The following FSBP variants were observed in gnomAD, a reference collection of about 807,000 sequenced individuals.
FSBP encodes the protein fibrinogen silencer-binding protein.
In FSBP, 18 loss-of-function variants were observed where a neutral mutation model predicts 24.6. The observed-to-expected ratio is 0.73, with a 90% CI of 0.51 to 1.08. The LOEUF is 1.08. Ranked by LOEUF, FSBP falls within the 50% of genes least tolerant of loss-of-function variation. FSBP has a pLI of 0.00. For synonymous variants in FSBP, 110 were observed against 125.8 expected (o/e 0.87, Z 0.84); for missense variants, 305 against 347.6 (o/e 0.88, Z 0.98).
In FSBP at chr8:94,432,118, T is replaced by C. The variant is rs779654615; in HGVS notation, c.*13A>G. 6.2e-5 allele frequency: 93 copies of C among 1,511,636 alleles called. No individual in the cohort carries two copies. Among genetic ancestry groups the C allele is most frequent in the Non-Finnish European group, 7.6e-5 (86 of 1,132,000 alleles). The allele number at this position is 1,511,636 out of a possible 1,614,324, so 93.6% of individuals were successfully genotyped here. A position where few individuals can be genotyped will look rare whatever the true frequency, so the allele number is the denominator to read the frequency against. ...AAATCAAAATTATCAAATTGCAAGA[T>C]TGAAAAAAAAACTTAGAGACTGTTA... On this transcript the variant is annotated 3_prime_UTR_variant, in exon 2 of 2. Transcript: ENST00000481490.
rs1401384435 is a variant in FSBP at position 94,429,794 on chromosome 8, C to G, written c.*2337G>C. The G allele has an allele frequency of 3.0e-6, 3 of 985,210 alleles. No individual in the cohort carries two copies. Among genetic ancestry groups the G allele is most frequent in the Non-Finnish European group, 3.6e-6 (3 of 829,882 alleles). 61.0% of individuals were successfully genotyped at this position (985,210 alleles called of 1,614,324 possible). A position where few individuals can be genotyped will look rare whatever the true frequency, so the allele number is the denominator to read the frequency against. On this transcript the variant is annotated 3_prime_UTR_variant, in exon 2 of 2. Coordinates refer to ENST00000481490, the MANE Select transcript of FSBP (RefSeq NM_001256141.2). Reference sequence around the variant, plus strand: ...AACTCTACCAGCTATAAAACACCCTCTTTTTAATCCAACCAATGAAATTAA... The same window carrying G: ...AACTCTACCAGCTATAAAACACCCTGTTTTTAATCCAACCAATGAAATTAA...
rs1271063569 is a variant in FSBP at position 94,431,896 on chromosome 8, A to T, written c.*235T>A. The T allele has an allele frequency of 8.4e-7, 1 of 1,193,918 alleles. No individual in the cohort carries two copies. The highest frequency in any genetic ancestry group is 1.6e-5 in the African/African-American group (1 of 62,698). The allele number at this position is 1,193,918 out of a possible 1,614,324, so 74.0% of individuals were successfully genotyped here. On this transcript the variant is annotated 3_prime_UTR_variant, in exon 2 of 2. Transcript: ENST00000481490. Reference sequence around the variant, plus strand: ...AGAATAAAATATCTTTTGTAAGGTCAACAATTAAACTTAGGGAAAAAAAAA... The same window carrying T: ...AGAATAAAATATCTTTTGTAAGGTCTACAATTAAACTTAGGGAAAAAAAAA...
Position 94,429,880 on chromosome 8 carries a change from T to C in FSBP, c.*2251A>G. ...TTTTTTCTATTTCTATAGCCATAAC[T>C]TAAATTTCTGATTTAAGTTCTTCCA... is the stretch of plus-strand genomic sequence containing the variant. On this transcript the variant is annotated 3_prime_UTR_variant, in exon 2 of 2. Coordinates refer to ENST00000481490, the MANE Select transcript of FSBP (RefSeq NM_001256141.2). 1.0e-6 allele frequency: 1 copy of C among 985,444 alleles called. No individual in the cohort carries two copies. Among genetic ancestry groups the C allele is most frequent in the Non-Finnish European group, 1.2e-6 (1 of 829,926 alleles). The allele number at this position is 985,444 out of a possible 1,614,324, so 61.0% of individuals were successfully genotyped here.
Position 94,428,849 on chromosome 8 carries a change from T to C in FSBP, c.*3282A>G, listed in dbSNP as rs1400125038. On this transcript the variant is annotated 3_prime_UTR_variant, in exon 2 of 2. Coordinates refer to ENST00000481490, the MANE Select transcript of FSBP (RefSeq NM_001256141.2). ...GTCCCCTAACTCAAAAAAGTCTCAA[T>C]ACAAAAAAGAAGAAAAAAAAAGGTT... 21 of 983,724 alleles carry C rather than the reference T, an allele frequency of 2.1e-5. No homozygotes were observed. The highest frequency in any genetic ancestry group is 3.5e-5 in the African/African-American group (2 of 56,672). The allele number at this position is 983,724 out of a possible 1,614,324, so 60.9% of individuals were successfully genotyped here.
intron 1 of FSBP, among the ~76,000 whole-genome samples, chr8:94,434,620 G>T (rs1812206174): frequency 6.6e-6 from 1 of 151,648 alleles, no homozygotes. Flanking sequence ...GTATAGTTAA[G>T]ATTATAGAAT....
chr8:94,430,163 A>G lies in FSBP; in HGVS notation c.*1968T>C, dbSNP rs1812052331. 1.6e-6 allele frequency: 1 copy of G among 630,632 alleles called. No homozygotes were observed. Among genetic ancestry groups the G allele is most frequent in the Non-Finnish European group, 2.0e-6 (1 of 506,564 alleles). 39.1% of individuals were successfully genotyped at this position (630,632 alleles called of 1,614,324 possible). A position where few individuals can be genotyped will look rare whatever the true frequency, so the allele number is the denominator to read the frequency against. On this transcript the variant is annotated 3_prime_UTR_variant, in exon 2 of 2. Transcript: ENST00000481490. ...CCCGTCTCTACTAAAAACACAAAAA[A>G]TTAGCCAGGCATGGTGGTGCGCCTG...
At chr8:94,434,393 T>C (rs1040670320) in intron 1 of FSBP, among the ~76,000 whole-genome samples, 1 of 151,770 alleles carries the variant, frequency 6.6e-6, no homozygotes. Context: ...AGAGAAGGAC[T>C]TGAGAATCAG....
In FSBP at chr8:94,431,404, C is replaced by T. The variant is rs1304951910; in HGVS notation, c.*727G>A. Reference sequence around the variant, plus strand: ...TGATGTAATTATCCTGATTTCACAACCTAACAATCTTTAAAGGCAATTTTA... The same window carrying T: ...TGATGTAATTATCCTGATTTCACAATCTAACAATCTTTAAAGGCAATTTTA... On this transcript the variant is annotated 3_prime_UTR_variant, in exon 2 of 2. Transcript: ENST00000481490. 2.0e-6 allele frequency: 2 copies of T among 984,598 alleles called. No individual in the cohort carries two copies. Among genetic ancestry groups the T allele is most frequent in the Admixed American group, 6.2e-5 (1 of 16,258 alleles). 61.0% of individuals were successfully genotyped at this position (984,598 alleles called of 1,614,324 possible).
In FSBP at chr8:94,428,188, T is replaced by G. The variant is rs961067005; in HGVS notation, c.*3943A>C. 1.2e-5 allele frequency: 10 copies of G among 841,552 alleles called. No individual in the cohort carries two copies. Among genetic ancestry groups the G allele is most frequent in the Non-Finnish European group, 1.1e-5 (8 of 699,094 alleles). The allele number at this position is 841,552 out of a possible 1,614,324, so 52.1% of individuals were successfully genotyped here. A position where few individuals can be genotyped will look rare whatever the true frequency, so the allele number is the denominator to read the frequency against. On this transcript the variant is annotated 3_prime_UTR_variant, in exon 2 of 2. Transcript: ENST00000481490. ...AATATATTGGATGAAATAATCTATA[T>G]ACTTAGTATATTTATCAAATGTAGT...
Position 94,428,948 on chromosome 8 carries a change from T to C in FSBP, c.*3183A>G, listed in dbSNP as rs1812012379. 4.1e-6 allele frequency: 4 copies of C among 982,768 alleles called. No individual in the cohort carries two copies. Among genetic ancestry groups the C allele is most frequent in the Non-Finnish European group, 3.6e-6 (3 of 827,638 alleles). 60.9% of individuals were successfully genotyped at this position (982,768 alleles called of 1,614,324 possible). A position where few individuals can be genotyped will look rare whatever the true frequency, so the allele number is the denominator to read the frequency against. On this transcript the variant is annotated 3_prime_UTR_variant, in exon 2 of 2. Coordinates refer to ENST00000481490, the MANE Select transcript of FSBP (RefSeq NM_001256141.2). ...GAAAAGGATTCTATGGTCAAATAAA[T>C]AATTTTCTTTATACAGGAATTCTCA...
At position 94,436,685 on chromosome 8, in the gene FSBP, G is replaced by A; in HGVS notation, c.184C>T (p.Pro62Ser). Residue 62 changes from proline (P) to serine (S), a missense_variant, in exon 1 of 2, where the codon CCT (proline) becomes TCT (serine). Coordinates refer to ENST00000481490, the MANE Select transcript of FSBP (RefSeq NM_001256141.2). ...NYNAIGVDRPPRTAQGLRTLY... is the reference protein window; with the variant it reads ...NYNAIGVDRPSRTAQGLRTLY... ...GTGCGTAGGCCCTGTGCTGTTCGAGGAGGGCGGTCTACTCCAATTGCATTA... is the reference window on the plus strand; with the variant it reads ...GTGCGTAGGCCCTGTGCTGTTCGAGAAGGGCGGTCTACTCCAATTGCATTA... 7.7e-6 allele frequency: 12 copies of A among 1,550,604 alleles called. No homozygotes were observed. Among genetic ancestry groups the A allele is most frequent in the Non-Finnish European group, 1.0e-5 (12 of 1,146,964 alleles).
chr8:94,436,568 T>C lies in FSBP; in HGVS notation c.301A>G (p.Thr101Ala). Residue 101 changes from threonine to alanine, a missense_variant, in exon 1 of 2, where the codon ACC becomes GCC. By Grantham distance (58) the Thr-to-Ala change is moderately conservative. Coordinates refer to ENST00000481490, the MANE Select transcript of FSBP (RefSeq NM_001256141.2). The part of the protein sequence containing the change: ...SDFKSNISEP[T>A]KKVMEMIPQI... ...GGAATCATCTCCATAACTTTCTTGG[T>C]TGGCTCAGAAATATTGCTTTTAAAA... The C allele has an allele frequency of 6.4e-7, 1 of 1,550,514 alleles. No homozygotes were observed. The highest frequency in any genetic ancestry group is 1.7e-4 in the Middle Eastern group (1 of 5,992).
In FSBP at chr8:94,431,463, GA is replaced by G; in HGVS notation, c.*667del. On this transcript the variant is annotated 3_prime_UTR_variant, in exon 2 of 2. Transcript: ENST00000481490. ...AATGCTTCTAATATTTAAATCTAGA[GA>G]ATGTTTTAGTGGATATTTACTTCTA... is the stretch of plus-strand genomic sequence containing the variant. The G allele has an allele frequency of 7.1e-6, 7 of 981,876 alleles. No individual in the cohort carries two copies. Among genetic ancestry groups the G allele is most frequent in the Non-Finnish European group, 8.5e-6 (7 of 826,756 alleles). 60.8% of individuals were successfully genotyped at this position (981,876 alleles called of 1,614,324 possible). A position where few individuals can be genotyped will look rare whatever the true frequency, so the allele number is the denominator to read the frequency against.
chr8:94,431,037 CA>C lies in FSBP; in HGVS notation c.*1093del. 1.0e-6 allele frequency: 1 copy of C among 985,388 alleles called. No homozygotes were observed. The highest frequency in any genetic ancestry group is 1.2e-6 in the Non-Finnish European group (1 of 829,924). The allele number at this position is 985,388 out of a possible 1,614,324, so 61.0% of individuals were successfully genotyped here. On this transcript the variant is annotated 3_prime_UTR_variant, in exon 2 of 2. Coordinates refer to ENST00000481490, the MANE Select transcript of FSBP (RefSeq NM_001256141.2). ...TTCACTGCTGAAATTACACCCACCC[CA>C]TTCTACAACTTGGCTTAAAAATCCC...
rs942282937 is a variant in FSBP, at chr8:94,430,079, C to A, written c.*2052G>T. On this transcript the variant is annotated 3_prime_UTR_variant, in exon 2 of 2. Transcript: ENST00000481490. ...CTGTAATCCCAGCACTTTGGGAGGC[C>A]GAGGCGGGCAGATCACGAGGTCAGG... is the stretch of plus-strand genomic sequence containing the variant. 4.3e-6 allele frequency: 4 copies of A among 924,940 alleles called. No individual in the cohort carries two copies. In the African/African-American group the frequency reaches 7.2e-5, roughly 17 times the overall value. 57.3% of individuals were successfully genotyped at this position (924,940 alleles called of 1,614,324 possible).
chr8:94,429,246 GAAAAAT>G lies in FSBP; in HGVS notation c.*2879_*2884del. 1.8e-5 allele frequency: 10 copies of G among 548,098 alleles called. No homozygotes were observed. Among genetic ancestry groups the G allele is most frequent in the Non-Finnish European group, 2.3e-5 (10 of 430,722 alleles). 34.0% of individuals were successfully genotyped at this position (548,098 alleles called of 1,614,324 possible). A position where few individuals can be genotyped will look rare whatever the true frequency, so the allele number is the denominator to read the frequency against. ...AAAAGCAATCTTAAACAATGCTGCA[GAAAAAT>G]ATGATTGTAGCAGACTATGTTTATG... On this transcript the variant is annotated 3_prime_UTR_variant, in exon 2 of 2. Transcript: ENST00000481490.
chr8:94,434,043 G>A (rs77045500), intron 1 of FSBP, among the ~76,000 whole-genome samples: 2 of 151,648 alleles, frequency 1.3e-5, no homozygotes, highest in South Asian at 2.1e-4. Context: ...TTTTGTTCTT[G>A]TCTCTGTTTG....
In FSBP at chr8:94,428,544, G is replaced by T; in HGVS notation, c.*3587C>A. ...ATATAATGTAAATACTATGTAAATAGTTGTTAGGATACAGGACAAGTGAGC... is the reference window on the plus strand; with the variant it reads ...ATATAATGTAAATACTATGTAAATATTTGTTAGGATACAGGACAAGTGAGC... On this transcript the variant is annotated 3_prime_UTR_variant, in exon 2 of 2. Transcript: ENST00000481490. The T allele has an allele frequency of 4.0e-6, 1 of 251,534 alleles. No individual in the cohort carries two copies. The highest frequency in any genetic ancestry group is 6.3e-6 in the Non-Finnish European group (1 of 159,062). The allele number at this position is 251,534 out of a possible 1,614,324, so 15.6% of individuals were successfully genotyped here.
Position 94,431,858 on chromosome 8 carries a change from T to C in FSBP, c.*273A>G. The C allele has an allele frequency of 9.0e-7, 1 of 1,109,622 alleles. No homozygotes were observed. The highest frequency in any genetic ancestry group is 3.4e-5 in the South Asian group (1 of 29,760). 68.7% of individuals were successfully genotyped at this position (1,109,622 alleles called of 1,614,324 possible). On this transcript the variant is annotated 3_prime_UTR_variant, in exon 2 of 2. Coordinates refer to ENST00000481490, the MANE Select transcript of FSBP (RefSeq NM_001256141.2). ...ATGTGTTTGTATATGCATTTGTGTATATCTTAGTGATCAGAATAAAATATC... is the reference window on the plus strand; with the variant it reads ...ATGTGTTTGTATATGCATTTGTGTACATCTTAGTGATCAGAATAAAATATC...
Sources: allele counts gnomAD v4.1 joint callset (sites outside exome capture counted in the v4.1 genomes callset), GRCh38; gene constraint gnomAD v4.1.1; transcripts MANE v1.5; gene names NCBI Gene and HGNC (gene_info 2026-07-23, HGNC 2026-07-21).